The following TAOK3 variants were observed in gnomAD, a reference collection of about 807,000 sequenced individuals.
TAOK3 encodes the protein serine/threonine-protein kinase TAO3.
In TAOK3, 40 loss-of-function variants were observed where a neutral mutation model predicts 120.4. The observed-to-expected ratio is 0.33, with a 90% CI of 0.26 to 0.43. The LOEUF (loss-of-function observed/expected upper bound fraction) is 0.43. Ranked by LOEUF, TAOK3 falls within the 20% of genes least tolerant of loss-of-function variation. TAOK3 has a pLI of 1.00. For synonymous variants in TAOK3, 355 were observed against 387.5 expected (o/e 0.92, Z 0.99); for missense variants, 821 against 1,112.1 (o/e 0.74, Z 3.72).
chr12:118,154,476 A>G (rs1348534495), intron 19 of TAOK3, among the ~76,000 whole-genome samples: 1 of 152,120 alleles, frequency 6.6e-6, no homozygotes, highest in Non-Finnish European at 1.5e-5. Context: ...AGTCTCACTC[A>G]GTTGCCCAGG....
intron 3 of TAOK3, among the ~76,000 whole-genome samples, chr12:118,250,336 T>C (rs1409500254): frequency 1.3e-5 from 2 of 152,214 alleles, no homozygotes; most frequent in Non-Finnish European, 2.9e-5. Flanking sequence ...AATTTCTGTT[T>C]TCTCTGAACA....
chr12:118,203,838 T>A (rs1018850318), intron 11 of TAOK3, among the ~76,000 whole-genome samples: 1 of 152,176 alleles, frequency 6.6e-6, no homozygotes, highest in African/African-American at 2.4e-5. Flanking sequence ...AGAAATTTCA[T>A]GACTAACAGA....
chr12:118,288,491 C>T (rs919653333), intron 1 of TAOK3, among the ~76,000 whole-genome samples: 1 of 152,166 alleles, frequency 6.6e-6, no homozygotes, highest in Non-Finnish European at 1.5e-5. Flanking sequence ...ACACCAGAAG[C>T]TGAATTGGCT....
At chr12:118,260,304 T>C (rs755316668) in intron 2 of TAOK3, among the ~76,000 whole-genome samples, 1 of 152,058 alleles carries the variant, frequency 6.6e-6, no homozygotes, top group African/African-American at 2.4e-5. Context: ...CTAACAAATT[T>C]TAAAAGCAAG....
intron 9 of TAOK3, among the ~76,000 whole-genome samples, chr12:118,222,696 T>G (rs1051413389): frequency 2.6e-5 from 4 of 152,138 alleles, no homozygotes; most frequent in Admixed American, 6.6e-5. Context: ...CAGCATTATA[T>G]TCTCACTTAC....
intron 11 of TAOK3, among the ~76,000 whole-genome samples, chr12:118,211,162 T>G (rs1054873635): frequency 6.6e-6 from 1 of 152,210 alleles, no homozygotes; most frequent in Non-Finnish European, 1.5e-5. Flanking sequence ...CAGTAAATAT[T>G]TGTTGAATAA....
intron 19 of TAOK3, among the ~76,000 whole-genome samples, chr12:118,154,290 CCTTTT>C (rs2034654396): frequency 6.6e-6 from 1 of 152,204 alleles, no homozygotes; most frequent in African/African-American, 2.4e-5. Context: ...ATCTCCATTT[CCTTTT>C]GTTTCTGGCA....
chr12:118,218,136 C>G (rs187878751), intron 9 of TAOK3, among the ~76,000 whole-genome samples: 1 of 151,546 alleles, frequency 6.6e-6, no homozygotes, highest in African/African-American at 2.4e-5. Flanking sequence ...TTTTTATTGA[C>G]CTCTCAATAG....
chr12:118,352,004 G>A (rs1247526259), intron 1 of TAOK3, among the ~76,000 whole-genome samples: 1 of 150,886 alleles, frequency 6.6e-6, no homozygotes, highest in East Asian at 2.0e-4. Context: ...CTCCCGAGTA[G>A]CTGGGATTAC....
At chr12:118,217,816 C>CGTGTGTGT (rs1565963561) in intron 9 of TAOK3, among the ~76,000 whole-genome samples, 18 of 45,990 alleles carry the variant, frequency 3.9e-4, no homozygotes, top group South Asian at 2.6e-3. Flanking sequence ...TGTGTGTATA[C>CGTGTGTGT]ATATATATAT....
At chr12:118,339,190 T>C (rs1728900094) in intron 1 of TAOK3, among the ~76,000 whole-genome samples, 1 of 151,352 alleles carries the variant, frequency 6.6e-6, no homozygotes, top group African/African-American at 2.4e-5. Context: ...AAGGCAGTGA[T>C]AGGATTCACA....
intron 17 of TAOK3, among the ~76,000 whole-genome samples, chr12:118,169,554 G>A (rs1052828992): frequency 1.9e-4 from 28 of 147,170 alleles, no homozygotes; most frequent in Middle Eastern, 3.7e-3. Context: ...CAAGTGATCC[G>A]CCTGCCTGAG....
chr12:118,321,199 ATTGTTTAACACTG>A (rs1293706533), intron 1 of TAOK3, among the ~76,000 whole-genome samples: 1 of 152,122 alleles, frequency 6.6e-6, no homozygotes, highest in African/African-American at 2.4e-5. Flanking sequence ...ATATTACTAT[ATTGTTTAACACTG>A]TTGTTTAACA....
chr12:118,298,903 C>T (rs905528322), intron 1 of TAOK3, among the ~76,000 whole-genome samples: 8 of 152,172 alleles, frequency 5.3e-5, no homozygotes, highest in African/African-American at 1.4e-4. Flanking sequence ...CAGGCAGATG[C>T]GCTTTGTTGT....
chr12:118,267,355 T>C lies in TAOK3; in HGVS notation c.-193-596A>G, dbSNP rs544526228. Among the ~76,000 whole-genome samples the C allele has an allele frequency of 4.6e-5, 7 of 151,748 alleles. No individual in the cohort carries two copies. The South Asian group carries it at 1.3e-3, about 27-fold the overall frequency. On this transcript the variant is annotated intron_variant, in intron 1 of 20. Coordinates refer to ENST00000392533, the MANE Select transcript of TAOK3 (RefSeq NM_016281.4). Reference sequence around the variant, plus strand: ...CTCAGCCTCCCAAGTACTGGGATTATAGGCATCTGCCACCAAGCCTGGCTA... The same window carrying C: ...CTCAGCCTCCCAAGTACTGGGATTACAGGCATCTGCCACCAAGCCTGGCTA...
intron 13 of TAOK3, among the ~76,000 whole-genome samples, chr12:118,194,156 G>A (rs1004936330): frequency 1.3e-5 from 2 of 152,068 alleles, no homozygotes; most frequent in East Asian, 1.9e-4. Context: ...GGGTGCGGGG[G>A]GATGTATCTA....
At position 118,237,477 on chromosome 12, in the gene TAOK3, CAGAGA is replaced by C. The variant is rs1282340846; in HGVS notation, c.437+591_437+595del. Among the ~76,000 whole-genome samples the C allele has an allele frequency of 2.0e-5, 3 of 152,114 alleles. No individual in the cohort carries two copies. In the East Asian group the frequency reaches 5.8e-4, roughly 29 times the overall value. ...TGGTTGTGGTAGAGAAAATACAAGGCAGAGAAAAGCCCTAGAATAGGAGTCAAGAA... is the reference window on the plus strand; with the variant it reads ...TGGTTGTGGTAGAGAAAATACAAGGCAAAGCCCTAGAATAGGAGTCAAGAA... On this transcript the variant is annotated intron_variant, in intron 7 of 20. Coordinates refer to ENST00000392533, the MANE Select transcript of TAOK3 (RefSeq NM_016281.4).
chr12:118,310,496 C>T (rs924056092), intron 1 of TAOK3, among the ~76,000 whole-genome samples: 2 of 152,142 alleles, frequency 1.3e-5, no homozygotes, highest in African/African-American at 4.8e-5. Context: ...AATTATTGAA[C>T]TTGGGGAGTA....
chr12:118,261,002 T>C (rs1454055306), intron 2 of TAOK3, among the ~76,000 whole-genome samples: 1 of 152,042 alleles, frequency 6.6e-6, no homozygotes, highest in South Asian at 2.1e-4. Flanking sequence ...CCTTTAGAGA[T>C]GAAAGCTACA....
Sources: allele counts gnomAD v4.1 joint callset (sites outside exome capture counted in the v4.1 genomes callset), GRCh38; gene constraint gnomAD v4.1.1; transcripts MANE v1.5; gene names NCBI Gene and HGNC (gene_info 2026-07-23, HGNC 2026-07-21).